Variants in ADAM19 observed in about 807,000 individuals in gnomAD.
The protein encoded by ADAM19 is ADAM metallopeptidase domain 19.
ADAM19 carries 65 observed loss-of-function variants against 114.7 expected under a neutral mutation model. That is an observed-to-expected ratio of 0.57 (90% CI 0.46 to 0.70). ADAM19 has a LOEUF of 0.70. ADAM19 is among the 30% of genes least tolerant of loss of function. ADAM19 has a pLI of 0.00. For synonymous variants in ADAM19, 466 were observed against 460.5 expected (o/e 1.01, Z -0.15); for missense variants, 1,063 against 1,204.7 (o/e 0.88, Z 1.74).
At chr5:157,483,678 G>C (rs1754834714) in intron 21 of ADAM19, among the ~76,000 whole-genome samples, 1 of 149,998 alleles carries the variant, frequency 6.7e-6, no homozygotes, top group Admixed American at 6.7e-5. Context: ...CTGTCCCCCA[G>C]GCTGGAGTGT....
intron 4 of ADAM19, among the ~76,000 whole-genome samples, chr5:157,534,520 T>G (rs1438677744): frequency 6.6e-6 from 1 of 151,446 alleles, no homozygotes; most frequent in African/African-American, 2.4e-5. Context: ...TAACCAGGCA[T>G]GGCGGCTCAT....
Position 157,477,457 on chromosome 5 carries a change from T to A in ADAM19, c.*3492A>T. 9.7e-7 allele frequency: 1 copy of A among 1,034,282 alleles called. No homozygotes were observed. The highest frequency in any genetic ancestry group is 1.2e-6 in the Non-Finnish European group (1 of 856,190). The allele number at this position is 1,034,282 out of a possible 1,614,324, so 64.1% of individuals were successfully genotyped here. A position where few individuals can be genotyped will look rare whatever the true frequency, so the allele number is the denominator to read the frequency against. ...AAGAAGATCTGTTTTCCGTGAACAATCTCCCAAATAAAAAGAAAATTCACA... is the reference window on the plus strand; with the variant it reads ...AAGAAGATCTGTTTTCCGTGAACAAACTCCCAAATAAAAAGAAAATTCACA... On this transcript the variant is annotated 3_prime_UTR_variant, in exon 23 of 23. Transcript: ENST00000257527.
At chr5:157,495,483 C>G (rs1249628410) in intron 14 of ADAM19, among the ~76,000 whole-genome samples, 1 of 152,132 alleles carries the variant, frequency 6.6e-6, no homozygotes, top group African/African-American at 2.4e-5. Flanking sequence ...TTGTAGTCAT[C>G]CAGTTCCTAC....
intron 2 of ADAM19, 93 bp downstream of exon 2, chr5:157,570,802 T>A (rs1757797994): frequency 2.7e-6 from 3 of 1,093,444 alleles, no homozygotes; most frequent in East Asian, 2.4e-5. Flanking sequence ...ACAGAACTAA[T>A]GGTGATGACT....
At chr5:157,504,649 C>G (rs1368161500) in intron 11 of ADAM19, among the ~76,000 whole-genome samples, 1 of 152,090 alleles carries the variant, frequency 6.6e-6, no homozygotes, top group African/African-American at 2.4e-5. Flanking sequence ...ATTGAAACAC[C>G]ATTCTCTAAG....
chr5:157,526,658 T>G (rs1467608275), intron 5 of ADAM19, among the ~76,000 whole-genome samples: 1 of 151,732 alleles, frequency 6.6e-6, no homozygotes. Context: ...TCTTGCTTTG[T>G]CGCCCAAGCT....
At chr5:157,539,489 C>A (rs898569214) in intron 3 of ADAM19, among the ~76,000 whole-genome samples, 1 of 152,126 alleles carries the variant, frequency 6.6e-6, no homozygotes, top group Non-Finnish European at 1.5e-5. Context: ...GTTCTGGGAT[C>A]GCTCAGATTT....
At chr5:157,525,023 G>A (rs765003153) in intron 5 of ADAM19, among the ~76,000 whole-genome samples, 8 of 152,200 alleles carry the variant, frequency 5.3e-5, no homozygotes, top group Non-Finnish European at 1.2e-4. Context: ...CTGCTGTCAA[G>A]GAGTTTGCAC....
rs1755984482 is a variant in ADAM19, at chr5:157,513,415, A to C, written c.738+19T>G. On this transcript the variant is annotated intron_variant, in intron 8 of 22. Transcript: ENST00000257527. Reference sequence around the variant, plus strand: ...CTGGCACCTGGCACCTTTCCCACAAAGTACACACCTGGTCTCACCTTATCA... The same window carrying C: ...CTGGCACCTGGCACCTTTCCCACAACGTACACACCTGGTCTCACCTTATCA... 2 of 1,612,872 alleles carry C rather than the reference A, an allele frequency of 1.2e-6. No homozygotes were observed. The highest frequency in any genetic ancestry group is 8.5e-7 in the Non-Finnish European group (1 of 1,179,280).
chr5:157,549,612 T>A (rs1757135076), intron 3 of ADAM19, among the ~76,000 whole-genome samples: 1 of 152,254 alleles, frequency 6.6e-6, no homozygotes, highest in African/African-American at 2.4e-5. Flanking sequence ...TTCCCGTTCC[T>A]CTTGCCTTCG....
chr5:157,500,465 T>A (rs2113712513), intron 12 of ADAM19, among the ~76,000 whole-genome samples: 2 of 152,344 alleles, frequency 1.3e-5, no homozygotes, highest in Middle Eastern at 3.4e-3. Flanking sequence ...TAAAATGGAC[T>A]TTTTAGCAGA....
intron 21 of ADAM19, among the ~76,000 whole-genome samples, chr5:157,483,778 C>T (rs983101308): frequency 3.3e-5 from 5 of 151,794 alleles, no homozygotes; most frequent in Non-Finnish European, 7.4e-5. Flanking sequence ...GGATTACAGG[C>T]ACCCACCACC....
chr5:157,500,218 C>T (rs1173959171), intron 12 of ADAM19, among the ~76,000 whole-genome samples: 1 of 152,026 alleles, frequency 6.6e-6, no homozygotes, highest in East Asian at 1.9e-4. Flanking sequence ...CAGTCTGCAA[C>T]CTTCTCCTCC....
chr5:157,519,168 G>C (rs541363409), intron 6 of ADAM19, among the ~76,000 whole-genome samples: 1 of 152,332 alleles, frequency 6.6e-6, no homozygotes, highest in East Asian at 1.9e-4. Flanking sequence ...ACAGAGGCCA[G>C]CATATGAGAG....
At chr5:157,530,329 G>A (rs1050147976) in intron 5 of ADAM19, among the ~76,000 whole-genome samples, 4 of 152,154 alleles carry the variant, frequency 2.6e-5, no homozygotes, top group African/African-American at 9.7e-5. Context: ...AGAGCCTGCT[G>A]AAATGATGCA....
chr5:157,504,176 G>A (rs914977909), intron 11 of ADAM19, among the ~76,000 whole-genome samples: 2 of 152,178 alleles, frequency 1.3e-5, no homozygotes, highest in African/African-American at 2.4e-5. Context: ...GAGAGAAAGG[G>A]GTGAGCTTAA....
At chr5:157,558,767 G>C (rs1757430463) in intron 3 of ADAM19, among the ~76,000 whole-genome samples, 1 of 152,198 alleles carries the variant, frequency 6.6e-6, no homozygotes. Flanking sequence ...AGGTATCCTT[G>C]AAAAAGAAGT....
chr5:157,555,396 CAG>C (rs1561555264), intron 3 of ADAM19, among the ~76,000 whole-genome samples: 1 of 152,188 alleles, frequency 6.6e-6, no homozygotes. Context: ...TAAGGGCAGA[CAG>C]AGCATCAGAG....
At chr5:157,505,591 G>A in intron 11 of ADAM19, 78 bp downstream of exon 11, 2 of 1,508,694 alleles carry the variant, frequency 1.3e-6, no homozygotes, top group Non-Finnish European at 1.8e-6. Flanking sequence ...AGTGGGGCCA[G>A]CTGGGAGGAA....
Sources: allele counts gnomAD v4.1 joint callset (sites outside exome capture counted in the v4.1 genomes callset), GRCh38; gene constraint gnomAD v4.1.1; transcripts MANE v1.5; gene names NCBI Gene and HGNC (gene_info 2026-07-23, HGNC 2026-07-21).